Variants in SV2C observed in about 807,000 individuals in gnomAD.
The protein encoded by SV2C is synaptic vesicle glycoprotein 2C.
In SV2C, 49 loss-of-function variants were observed where a neutral mutation model predicts 79.7. The observed-to-expected ratio is 0.61, with a 90% CI of 0.49 to 0.78. SV2C has a LOEUF of 0.78. SV2C is among the 30% of genes least tolerant of loss of function. The pLI, the probability that SV2C is intolerant of heterozygous loss-of-function variation, is 0.00. For synonymous variants in SV2C, 334 were observed against 333.2 expected, an observed-to-expected ratio of 1.00 and a Z score of -0.03; for missense variants, 833 against 912.9, an observed-to-expected ratio of 0.91 and a Z score of 1.13.
At chr5:76,336,229 G>A (rs1418007652), downstream of SV2C, among the ~76,000 whole-genome samples, 5 of 149,072 alleles carry the variant, frequency 3.4e-5, no homozygotes, top group Admixed American at 2.0e-4. Flanking sequence ...GCTGCCGGGC[G>A]GAGGGGCTCC....
At chr5:76,069,277 T>C in the SV2C span, among the ~76,000 whole-genome samples, 1 of 152,172 alleles carries the variant, frequency 6.6e-6, no homozygotes, top group Admixed American at 6.5e-5. Context: ...AGGCCATCTG[T>C]CTGACTTTAT....
the SV2C span, among the ~76,000 whole-genome samples, chr5:76,011,272 A>G: frequency 4.6e-5 from 7 of 152,112 alleles, no homozygotes; most frequent in African/African-American, 1.2e-4. Flanking sequence ...GCCACGATTT[A>G]TCTACTGCTT....
the SV2C span, chr5:75,911,606 C>T: frequency 1.4e-6 from 1 of 695,736 alleles, no homozygotes; most frequent in African/African-American, 1.8e-5. Flanking sequence ...CCAGTAAGAA[C>T]TCCTGAGGTC....
At chr5:76,053,930 TTAA>T in the SV2C span, among the ~76,000 whole-genome samples, 4 of 152,108 alleles carry the variant, frequency 2.6e-5, no homozygotes, top group South Asian at 2.1e-4. Flanking sequence ...ATGAAAATTA[TTAA>T]TAATAATTTA....
chr5:76,320,290 G>A (rs1261053897), intron 12 of SV2C, among the ~76,000 whole-genome samples: 2 of 152,116 alleles, frequency 1.3e-5, no homozygotes, highest in Non-Finnish European at 2.9e-5. Flanking sequence ...AGGGTTGTGG[G>A]GAGAGAGGAA....
intron 4 of SV2C, among the ~76,000 whole-genome samples, chr5:76,226,520 C>A (rs1401250064): frequency 1.3e-5 from 2 of 152,092 alleles, no homozygotes; most frequent in East Asian, 3.9e-4. Flanking sequence ...CTTATGTATT[C>A]TTATAGAGAT....
intron 12 of SV2C, among the ~76,000 whole-genome samples, chr5:76,341,880 C>A (rs1361995231): frequency 1.3e-5 from 2 of 152,116 alleles, no homozygotes; most frequent in Admixed American, 6.5e-5. Flanking sequence ...GGGGGTGGAA[C>A]CTTGGCATTG....
intron 12 of SV2C, among the ~76,000 whole-genome samples, chr5:76,307,807 T>G (rs1288828217): frequency 6.6e-6 from 1 of 152,180 alleles, no homozygotes; most frequent in African/African-American, 2.4e-5. Context: ...AAGCTTTTTA[T>G]TTTGGTTATC....
At chr5:76,188,128 G>T (rs1478038923) in intron 2 of SV2C, among the ~76,000 whole-genome samples, 1 of 152,052 alleles carries the variant, frequency 6.6e-6, no homozygotes, top group Non-Finnish European at 1.5e-5. Context: ...GGACATGGTG[G>T]CACGCACCTG....
the SV2C span, among the ~76,000 whole-genome samples, chr5:75,969,075 A>T: frequency 6.6e-6 from 1 of 152,192 alleles, no homozygotes; most frequent in Non-Finnish European, 1.5e-5. Flanking sequence ...CAGCCAAACT[A>T]AACCTCGTCA....
At chr5:76,068,344 T>C in the SV2C span, among the ~76,000 whole-genome samples, 16 of 152,322 alleles carry the variant, frequency 1.1e-4, no homozygotes, top group Middle Eastern at 6.8e-3. Context: ...TTATTATTAA[T>C]GTATTTCCTA....
chr5:75,973,702 A>G, the SV2C span, among the ~76,000 whole-genome samples: 1 of 151,970 alleles, frequency 6.6e-6, no homozygotes, highest in Non-Finnish European at 1.5e-5. Flanking sequence ...AAGAGTAAGT[A>G]CTACAAAACA....
At chr5:75,881,472 T>C in the SV2C span, among the ~76,000 whole-genome samples, 18,921 of 152,140 alleles carry the variant, frequency 0.12, 1,387 homozygotes, top group African/African-American at 0.22. Context: ...CAAACATTTC[T>C]TGAGCAGTGG....
chr5:76,119,849 A>C (rs1265167478), intron 1 of SV2C, among the ~76,000 whole-genome samples: 2 of 152,136 alleles, frequency 1.3e-5, no homozygotes, highest in Non-Finnish European at 2.9e-5. Context: ...CCCATTTTTC[A>C]CTCTTAAAAA....
At chr5:76,138,900 C>T (rs548070197) in intron 2 of SV2C, among the ~76,000 whole-genome samples, 35 of 152,276 alleles carry the variant, frequency 2.3e-4, no homozygotes, top group Admixed American at 1.2e-3. Flanking sequence ...AGGCAGATCA[C>T]GAAGTCAGGA....
intron 4 of SV2C, among the ~76,000 whole-genome samples, chr5:76,266,520 T>C (rs2112465767): frequency 6.6e-6 from 1 of 152,308 alleles, no homozygotes; most frequent in South Asian, 2.1e-4. Context: ...CATATGTGAA[T>C]CTTGAAGACA....
At chr5:75,888,344 ATTTT>A in the SV2C span, among the ~76,000 whole-genome samples, 2 of 150,154 alleles carry the variant, frequency 1.3e-5, no homozygotes, top group African/African-American at 4.9e-5. Context: ...AAAAAAAAAA[ATTTT>A]TTTTTTGAAA....
chr5:76,008,667 G>A, the SV2C span, among the ~76,000 whole-genome samples: 68,556 of 151,848 alleles, frequency 0.45, 17,509 homozygotes, highest in Middle Eastern at 0.6. Context: ...TTGAGTTATG[G>A]CAGGAGCCTA....
chr5:75,960,999 CCA>C, the SV2C span, among the ~76,000 whole-genome samples: 35 of 151,966 alleles, frequency 2.3e-4, no homozygotes, highest in African/African-American at 8.2e-4. Context: ...CTTGGAAGGC[CCA>C]CCCCTAGTAT....
Sources: gnomAD v4.1 joint callset for allele counts (sites outside exome capture counted in the v4.1 genomes callset) on GRCh38, gnomAD v4.1.1 for gene constraint, MANE v1.5 for transcripts, NCBI Gene and HGNC (gene_info 2026-07-23, HGNC 2026-07-21) for gene names.